NCSTN: variants seen among roughly 807,000 people sequenced by gnomAD.
NCSTN encodes the protein nicastrin, also known as anterior pharynx-defective 2.
Under a neutral mutation model 87.0 loss-of-function variants are expected in NCSTN, and 22 were observed. The observed-to-expected ratio is 0.25, with a 90% CI of 0.18 to 0.36. The LOEUF (loss-of-function observed/expected upper bound fraction) is 0.36. Ranked by LOEUF, NCSTN falls within the 10% of genes least tolerant of loss-of-function variation. The pLI, the probability that NCSTN is intolerant of heterozygous loss-of-function variation, is 1.00. For synonymous variants in NCSTN, 306 were observed against 327.1 expected (o/e 0.94, Z 0.69); for missense variants, 693 against 883.3 (o/e 0.78, Z 2.73).
At chr1:160,346,826 C>T (rs1003851654) in intron 2 of NCSTN, among the ~76,000 whole-genome samples, 2 of 152,016 alleles carry the variant, frequency 1.3e-5, no homozygotes, top group Non-Finnish European at 2.9e-5. Flanking sequence ...AGGCTGGTCT[C>T]GAACCCCTGA....
chr1:160,354,390 C>G, intron 11 of NCSTN, 100 bp downstream of exon 11: 1 of 1,280,598 alleles, frequency 7.8e-7, no homozygotes, highest in Non-Finnish European at 1.1e-6. Context: ...ACACTACCCC[C>G]TCCAGAACTT....
intron 16 of NCSTN, 51 bp downstream of exon 16, chr1:160,357,304 C>T: frequency 2.0e-6 from 3 of 1,518,102 alleles, no homozygotes; most frequent in Non-Finnish European, 2.7e-6. Context: ...ACTTCTTTCT[C>T]TGCTTTCTTG....
intron 3 of NCSTN, 72 bp downstream of exon 3, chr1:160,349,194 T>C (rs16831846): frequency 0.056 from 90,304 of 1,599,710 alleles, 3,208 homozygotes; most frequent in African/African-American, 0.16. Context: ...CTCACACTTA[T>C]TAGTGAAAAC....
chr1:160,353,563 A>G (rs1124379), intron 10 of NCSTN: 710,278 of 1,247,944 alleles, frequency 0.57, 206,234 homozygotes, highest in African/African-American at 0.85. Flanking sequence ...AGGCTGCTCT[A>G]CCCAAGTCCT....
intron 14 of NCSTN, 78 bp from the exon 15 acceptor site, chr1:160,356,519 GGCT>G: frequency 1.9e-6 from 3 of 1,565,922 alleles, no homozygotes; most frequent in Non-Finnish European, 2.6e-6. Flanking sequence ...CCTTCTTTCT[GGCT>G]GCTGCCAATC....
At chr1:160,356,199 A>C in intron 13 of NCSTN, 61 bp from the exon 14 acceptor site, 1 of 1,431,178 alleles carries the variant, frequency 7.0e-7, no homozygotes, top group Non-Finnish European at 9.9e-7. Flanking sequence ...TCCACTGATA[A>C]TTCTTTCCCT....
Position 160,354,204 on chromosome 1 carries a change from C to T in NCSTN, c.1266C>T (p.Leu422=). ...ILRRPNQSQP[L]PPSSLQRFLR... The stretch of plus-strand genomic sequence containing the variant: ...GGAGGCCAAATCAGTCCCAGCCTCT[C>T]CCACCATCTTCCCTGCAGCGATTTC... The change falls in exon 11 of 17, where the codon CTC becomes CTT. Residue 422 remains leucine (L), a synonymous_variant. Transcript: ENST00000294785. 11 of 1,614,184 alleles carry T rather than the reference C, an allele frequency of 6.8e-6. No homozygotes were observed. The highest frequency in any genetic ancestry group is 9.3e-6 in the Non-Finnish European group (11 of 1,180,022).
chr1:160,351,000 T>C (rs1459941461), intron 5 of NCSTN, among the ~76,000 whole-genome samples: 1 of 152,220 alleles, frequency 6.6e-6, no homozygotes, highest in African/African-American at 2.4e-5. Flanking sequence ...CATCTCCAGC[T>C]AAACCACTGA....
intron 10 of NCSTN, chr1:160,353,732 T>C: frequency 1.0e-6 from 1 of 983,890 alleles, no homozygotes; most frequent in Non-Finnish European, 1.2e-6. Flanking sequence ...TGGACTCCTG[T>C]AGCATTTAAA....
intron 6 of NCSTN, 136 bp from the exon 7 acceptor site, chr1:160,351,560 A>G (rs1431684826): frequency 5.1e-5 from 63 of 1,244,158 alleles, no homozygotes; most frequent in Non-Finnish European, 7.2e-5. Flanking sequence ...GTGGCAGAGA[A>G]GCCAACCTCG....
intron 10 of NCSTN, 169 bp downstream of exon 10, chr1:160,353,406 G>C: frequency 6.6e-7 from 1 of 1,510,774 alleles, no homozygotes; most frequent in East Asian, 2.5e-5. Flanking sequence ...CTGCTGGGAA[G>C]AATCAGGAAC....
intron 13 of NCSTN, 74 bp downstream of exon 13, chr1:160,356,032 C>A: frequency 7.1e-7 from 1 of 1,406,492 alleles, no homozygotes; most frequent in South Asian, 1.2e-5. Context: ...GCCCTAGTGT[C>A]CCAAACCTTG....
In NCSTN at chr1:160,343,438, T is replaced by C. The variant is rs759140355; in HGVS notation, c.42T>C (p.Ser14=). The change falls in exon 1 of 17, where the codon AGT becomes AGC. Residue 14 remains serine (S), a synonymous_variant. Coordinates refer to ENST00000294785, the MANE Select transcript of NCSTN (RefSeq NM_015331.3). Reference sequence around the variant, plus strand: ...GTGGCTCTGGGGCTGACCCGGGAAGTCGGGGTCTCCTTCGCCTTCTGTCTT... The same window carrying C: ...GTGGCTCTGGGGCTGACCCGGGAAGCCGGGGTCTCCTTCGCCTTCTGTCTT... ...AGGGSGADPG[S]RGLLRLLSFC... is the part of the protein sequence containing the mutation. The C allele has an allele frequency of 4.3e-6, 7 of 1,612,330 alleles. No homozygotes were observed. Among genetic ancestry groups the C allele is most frequent in the Admixed American group, 1.7e-5 (1 of 59,816 alleles).
Position 160,354,235 on chromosome 1 carries a change from G to C in NCSTN, c.1297G>C (p.Ala433Pro). ...ATCTTCCCTGCAGCGATTTCTTCGA[G>C]CTCGAAACATCTCTGGCGTTGTTCT... ...PPSSLQRFLR[A>P]RNISGVVLAD... The change falls in exon 11 of 17, where the codon GCT becomes CCT. Residue 433 changes from alanine to proline, a missense_variant. Physicochemically the swap from Ala to Pro is conservative, Grantham distance 27. Transcript: ENST00000294785. The C allele has an allele frequency of 6.2e-7, 1 of 1,614,158 alleles. No homozygotes were observed. The highest frequency in any genetic ancestry group is 8.5e-7 in the Non-Finnish European group (1 of 1,180,032).
intron 2 of NCSTN, 90 bp downstream of exon 2, chr1:160,344,916 G>T: frequency 9.0e-7 from 1 of 1,107,372 alleles, no homozygotes; most frequent in South Asian, 1.3e-5. Context: ...TAGGAGATTT[G>T]ACACTTATAT....
chr1:160,354,346 G>C, intron 11 of NCSTN, 56 bp downstream of exon 11: 1 of 1,588,118 alleles, frequency 6.3e-7, no homozygotes, highest in Non-Finnish European at 8.6e-7. Flanking sequence ...CTATTCTGCA[G>C]TCTGGGAGGA....
At chr1:160,353,501 G>C (rs968002156) in intron 10 of NCSTN, 3 of 1,358,846 alleles carry the variant, frequency 2.2e-6, no homozygotes, top group South Asian at 1.5e-5. Context: ...ATTAAGGATA[G>C]GTGAGTGACT....
chr1:160,353,449 T>C (rs562337934), intron 10 of NCSTN: 2 of 1,450,966 alleles, frequency 1.4e-6, no homozygotes, highest in South Asian at 2.8e-5. Flanking sequence ...CTGGACTGGG[T>C]AGTTCTCTGA....
intron 7 of NCSTN, 28 bp from the exon 8 acceptor site, chr1:160,352,026 C>G: frequency 1.2e-6 from 2 of 1,613,058 alleles, no homozygotes; most frequent in Non-Finnish European, 8.5e-7. Context: ...AAGTATATAT[C>G]CCCTGACTTT....
Sources: allele counts gnomAD v4.1 joint callset (sites outside exome capture counted in the v4.1 genomes callset), GRCh38; gene constraint gnomAD v4.1.1; transcripts MANE v1.5; gene names NCBI Gene and HGNC (gene_info 2026-07-23, HGNC 2026-07-21).